HMGCLL1: variants seen among roughly 807,000 people sequenced by gnomAD.
HMGCLL1 encodes the protein 3-hydroxymethyl-3-methylglutaryl-CoA lyase, cytoplasmic.
HMGCLL1 carries 36 observed loss-of-function variants against 39.1 expected under a neutral mutation model. That is an observed-to-expected ratio of 0.92 (90% confidence interval 0.71 to 1.22). The LOEUF (loss-of-function observed/expected upper bound fraction) is 1.22. Among genes scored for constraint, HMGCLL1 ranks in the 50% most tolerant of loss-of-function variants. The probability of loss-of-function intolerance (pLI) is 0.00; values close to 1 mark genes in which losing one functional copy is unlikely to be tolerated. For missense variants in HMGCLL1, 451 were observed against 416.5 expected, an observed-to-expected ratio of 1.08 and a Z score of -0.72; for synonymous variants, 149 against 144.0, an observed-to-expected ratio of 1.03 and a Z score of -0.25.
At chr6:55,607,746 G>C in the HMGCLL1 span, among the ~76,000 whole-genome samples, 1 of 151,986 alleles carries the variant, frequency 6.6e-6, no homozygotes, top group Admixed American at 6.6e-5. Context: ...TTGATCCCAA[G>C]AGCCTTCCTT....
At chr6:55,514,285 C>T in intron 4 of HMGCLL1, 89 bp from the exon 5 acceptor site, 1 of 917,030 alleles carries the variant, frequency 1.1e-6, no homozygotes, top group Non-Finnish European at 1.6e-6. Flanking sequence ...TCTATGAAGG[C>T]ATACATGTAT....
chr6:55,596,605 ACTC>A, the HMGCLL1 span, among the ~76,000 whole-genome samples: 2 of 152,230 alleles, frequency 1.3e-5, no homozygotes, highest in Non-Finnish European at 2.9e-5. Flanking sequence ...CTACGCCTAA[ACTC>A]CTAAGATATG....
intron 7 of HMGCLL1, among the ~76,000 whole-genome samples, chr6:55,477,431 TTATATATTA>T (rs1561905491): frequency 2.5e-4 from 13 of 51,780 alleles, no homozygotes; most frequent in South Asian, 5.5e-4. Flanking sequence ...TTAATATATA[TTATATATTA>T]TATATATAAT....
intron 5 of HMGCLL1, among the ~76,000 whole-genome samples, chr6:55,511,468 T>G (rs1175503024): frequency 6.6e-6 from 1 of 152,082 alleles, no homozygotes. Flanking sequence ...AAGCTACTAT[T>G]TGGACTATAT....
At chr6:55,465,003 C>T (rs1166348282) in intron 7 of HMGCLL1, among the ~76,000 whole-genome samples, 1 of 152,098 alleles carries the variant, frequency 6.6e-6, no homozygotes, top group East Asian at 1.9e-4. Context: ...AGGACAATTG[C>T]CATCTTTAAG....
At chr6:55,437,759 T>C (rs1277676919) in intron 8 of HMGCLL1, among the ~76,000 whole-genome samples, 1 of 152,014 alleles carries the variant, frequency 6.6e-6, no homozygotes, top group East Asian at 1.9e-4. Context: ...GCATGGAAGA[T>C]AGATTTTAAA....
chr6:55,628,931 C>A, the HMGCLL1 span, among the ~76,000 whole-genome samples: 1 of 152,090 alleles, frequency 6.6e-6, no homozygotes, highest in African/African-American at 2.4e-5. Flanking sequence ...TCCATTAAAC[C>A]TCTTTCTTTT....
At chr6:55,627,246 T>C in the HMGCLL1 span, among the ~76,000 whole-genome samples, 1 of 152,020 alleles carries the variant, frequency 6.6e-6, no homozygotes, top group Non-Finnish European at 1.5e-5. Context: ...ATGTATACAC[T>C]TGTATTAAGA....
chr6:55,483,414 T>C (rs1353210848), intron 7 of HMGCLL1, among the ~76,000 whole-genome samples: 25 of 152,078 alleles, frequency 1.6e-4, no homozygotes, highest in Non-Finnish European at 2.2e-4. Flanking sequence ...TATAGGCACG[T>C]GCCACCATGC....
At chr6:55,650,124 TATATATATATACACAC>T in the HMGCLL1 span, among the ~76,000 whole-genome samples, 45 of 69,030 alleles carry the variant, frequency 6.5e-4, 2 homozygotes, top group East Asian at 3.5e-3. Flanking sequence ...TATATATATA[TATATATATATACACAC>T]ACACACACAT....
the HMGCLL1 span, among the ~76,000 whole-genome samples, chr6:55,620,101 G>A: frequency 1.3e-5 from 2 of 152,028 alleles, no homozygotes; most frequent in Non-Finnish European, 2.9e-5. Context: ...TGGACACTTA[G>A]GTTGCTTCCA....
At chr6:55,632,282 A>G in the HMGCLL1 span, among the ~76,000 whole-genome samples, 12 of 152,064 alleles carry the variant, frequency 7.9e-5, no homozygotes, top group Middle Eastern at 3.4e-3. Context: ...CTTGTACTCA[A>G]TTACATCTAA....
intron 3 of HMGCLL1, among the ~76,000 whole-genome samples, chr6:55,519,396 T>C (rs1413953706): frequency 1.3e-5 from 2 of 152,148 alleles, no homozygotes; most frequent in Non-Finnish European, 2.9e-5. Context: ...CTCAAAATTG[T>C]AATTCTCACC....
upstream of HMGCLL1, among the ~76,000 whole-genome samples, chr6:55,579,989 G>A (rs1771944473): frequency 6.6e-6 from 1 of 152,132 alleles, no homozygotes; most frequent in African/African-American, 2.4e-5. Context: ...TCAGTGGTTT[G>A]CAGCTAAAAT....
the HMGCLL1 span, among the ~76,000 whole-genome samples, chr6:55,604,731 A>C: frequency 5.9e-5 from 9 of 152,214 alleles, no homozygotes; most frequent in African/African-American, 2.2e-4. Flanking sequence ...CCAAATCTAC[A>C]GAACAACTAT....
intron 7 of HMGCLL1, among the ~76,000 whole-genome samples, chr6:55,465,135 G>T (rs1436657266): frequency 6.6e-6 from 1 of 152,098 alleles, no homozygotes; most frequent in African/African-American, 2.4e-5. Context: ...GTTTTAATAT[G>T]TATTTGGTTT....
chr6:55,582,694 A>C (rs191638352), upstream of HMGCLL1, among the ~76,000 whole-genome samples: 2 of 152,314 alleles, frequency 1.3e-5, no homozygotes, highest in East Asian at 1.9e-4. Context: ...CAGAAGATAC[A>C]TAAAGATATC....
the HMGCLL1 span, among the ~76,000 whole-genome samples, chr6:55,633,558 C>T: frequency 6.6e-6 from 1 of 151,716 alleles, no homozygotes; most frequent in African/African-American, 2.4e-5. Context: ...TTCTGCATAA[C>T]CATTTTATGC....
intron 7 of HMGCLL1, among the ~76,000 whole-genome samples, chr6:55,446,196 T>G (rs12200360): frequency 0.12 from 18,327 of 150,704 alleles, 1,356 homozygotes; most frequent in Admixed American, 0.17. Flanking sequence ...CTGTTATTAG[T>G]GCTCAGGGAA....
Sources: gnomAD v4.1 joint callset for allele counts (sites outside exome capture counted in the v4.1 genomes callset) on GRCh38, gnomAD v4.1.1 for gene constraint, MANE v1.5 for transcripts, NCBI Gene and HGNC (gene_info 2026-07-23, HGNC 2026-07-21) for gene names.